Variants in CSMD3 observed in about 807,000 individuals in gnomAD.
The protein encoded by CSMD3 is CUB and sushi domain-containing protein 3.
CSMD3 carries 177 observed loss-of-function variants against 435.2 expected under a neutral mutation model. The observed-to-expected ratio is 0.41, with a 90% CI of 0.36 to 0.46. CSMD3 has a LOEUF of 0.46. CSMD3 is among the 20% of genes least tolerant of loss of function. The pLI is 0.34. For synonymous variants in CSMD3, 1,656 were observed against 1,520.5 expected, an observed-to-expected ratio of 1.09 and a Z score of -2.07; for missense variants, 4,265 against 4,504.6, an observed-to-expected ratio of 0.95 and a Z score of 1.52.
chr8:113,320,322 T>C (rs570392559), intron 1 of CSMD3, among the ~76,000 whole-genome samples: 3 of 152,204 alleles, frequency 2.0e-5, no homozygotes, highest in Non-Finnish European at 4.4e-5. Flanking sequence ...GGTAACTAAA[T>C]TTTATATGAC....
chr8:113,353,387 A>T (rs920980660), intron 1 of CSMD3, among the ~76,000 whole-genome samples: 1 of 152,164 alleles, frequency 6.6e-6, no homozygotes, highest in African/African-American at 2.4e-5. Context: ...TTTTTGTACT[A>T]AATATTCTAA....
intron 55 of CSMD3, among the ~76,000 whole-genome samples, 162 bp from the exon 56 acceptor site, chr8:112,291,857 T>C (rs1819796128): frequency 6.6e-6 from 1 of 152,036 alleles, no homozygotes; most frequent in African/African-American, 2.4e-5. Flanking sequence ...GAAAATGGAC[T>C]GACATCTATG....
chr8:112,978,887 G>A (rs1219888104), intron 6 of CSMD3, among the ~76,000 whole-genome samples: 2 of 151,530 alleles, frequency 1.3e-5, no homozygotes, highest in African/African-American at 4.8e-5. Context: ...TTCATCAGAA[G>A]AAATAATAAA....
intron 1 of CSMD3, among the ~76,000 whole-genome samples, chr8:113,414,651 C>CAAAAAAAAA (rs780988317): frequency 1.1e-4 from 9 of 85,054 alleles, no homozygotes; most frequent in African/African-American, 2.4e-4. Context: ...TGCCCAAATA[C>CAAAAAAAAA]AAAAAAAAAA....
intron 57 of CSMD3, among the ~76,000 whole-genome samples, chr8:112,288,692 G>T (rs184546178): frequency 6.6e-6 from 1 of 151,738 alleles, no homozygotes; most frequent in Admixed American, 6.6e-5. Flanking sequence ...GATCTAAAAC[G>T]TAAATGGTGT....
chr8:113,262,488 T>C (rs916170074), intron 3 of CSMD3, among the ~76,000 whole-genome samples: 12 of 152,076 alleles, frequency 7.9e-5, no homozygotes, highest in African/African-American at 2.9e-4. Context: ...GCAGCTAATA[T>C]AATAGTTGTT....
chr8:113,114,008 A>T (rs1588098688), intron 4 of CSMD3, among the ~76,000 whole-genome samples: 2 of 152,200 alleles, frequency 1.3e-5, no homozygotes, highest in Admixed American at 6.5e-5. Flanking sequence ...CTTCTACTAA[A>T]CAGTATATAG....
chr8:113,314,662 G>A lies in CSMD3; in HGVS notation c.310C>T (p.Gln104Ter). The change falls in exon 2 of 71, where the codon CAA becomes TAA. Residue 104 changes from glutamine (Q) to a stop codon, truncating the protein, a stop_gained. Transcript: ENST00000297405. LOFTEE classifies it high-confidence loss of function. ...AGAGCAAATGACTGAAAAACAATTT[G>A]TATTCTATTTCGTTCTTCTGCTATT... ...VIIAEERNRI[Q>*]IVFQSFALEE... 1 of 1,609,852 alleles carries A rather than the reference G, an allele frequency of 6.2e-7. No homozygotes were observed. Among genetic ancestry groups the A allele is most frequent in the Non-Finnish European group, 8.5e-7 (1 of 1,176,444 alleles).
chr8:112,877,180 T>G (rs1213755115), intron 10 of CSMD3, among the ~76,000 whole-genome samples: 2 of 152,102 alleles, frequency 1.3e-5, no homozygotes, highest in Non-Finnish European at 2.9e-5. Context: ...ATGGCAATAC[T>G]GCCCAAAGTA....
chr8:112,554,298 G>A (rs1466801491), intron 25 of CSMD3, among the ~76,000 whole-genome samples: 1 of 151,848 alleles, frequency 6.6e-6, no homozygotes, highest in African/African-American at 2.4e-5. Flanking sequence ...AGGGCTAAGG[G>A]AATATTACCT....
At chr8:113,068,384 A>G (rs932842190) in intron 5 of CSMD3, among the ~76,000 whole-genome samples, 7 of 152,174 alleles carry the variant, frequency 4.6e-5, no homozygotes, top group African/African-American at 1.4e-4. Context: ...AGACTCCTGC[A>G]CAAGAGAAAT....
At chr8:113,283,470 G>A (rs1328335158) in intron 2 of CSMD3, among the ~76,000 whole-genome samples, 1 of 151,682 alleles carries the variant, frequency 6.6e-6, no homozygotes, top group African/African-American at 2.4e-5. Context: ...GGCAACAAAC[G>A]TGAAAAAATA....
chr8:112,982,022 A>T (rs1157333391), intron 6 of CSMD3, among the ~76,000 whole-genome samples: 2 of 151,812 alleles, frequency 1.3e-5, no homozygotes, highest in African/African-American at 4.8e-5. Flanking sequence ...TTAAATGGAG[A>T]GTTTAAGAAT....
chr8:112,352,011 T>C (rs56138373), intron 39 of CSMD3, among the ~76,000 whole-genome samples: 5,741 of 152,180 alleles, frequency 0.038, 360 homozygotes, highest in African/African-American at 0.13. Flanking sequence ...AATGTATTGT[T>C]ATGGAAGTTT....
chr8:113,141,734 G>C (rs576014711), intron 4 of CSMD3, among the ~76,000 whole-genome samples: 4 of 151,058 alleles, frequency 2.6e-5, no homozygotes, highest in Non-Finnish European at 5.9e-5. Context: ...TTTGTACTTA[G>C]TGCTGAAAAT....
At chr8:112,581,852 C>A (rs1054488184) in intron 23 of CSMD3, among the ~76,000 whole-genome samples, 2 of 151,750 alleles carry the variant, frequency 1.3e-5, no homozygotes, top group Non-Finnish European at 2.9e-5. Context: ...GTGAGTTTAC[C>A]AGTTTATAGG....
At chr8:112,714,695 C>CA (rs1007237285) in intron 13 of CSMD3, among the ~76,000 whole-genome samples, 5 of 151,790 alleles carry the variant, frequency 3.3e-5, no homozygotes, top group Admixed American at 6.6e-5. Context: ...TCCGCAAATG[C>CA]AAAAAAAGCT....
In CSMD3 at chr8:112,748,168, G is replaced by A. The variant is rs182370814; in HGVS notation, c.1972+51994C>T. ...GATCATTATCTAAGAGTGAGAAAGA[G>A]GAGAAGAGATAGAAAATCTGAGGAG... On this transcript the variant is annotated intron_variant, in intron 13 of 70. Coordinates refer to ENST00000297405, the MANE Select transcript of CSMD3 (RefSeq NM_198123.2). Among the ~76,000 whole-genome samples, 124 of 152,130 alleles carry A rather than the reference G, an allele frequency of 8.2e-4. 1 individual carries two copies. Among genetic ancestry groups the A allele is most frequent in the African/African-American group, 2.9e-3 (120 of 41,528 alleles).
Position 113,163,881 on chromosome 8 carries a change from G to A in CSMD3, c.709+9841C>T, listed in dbSNP as rs199848858. ...CATTGTTTATATGTCAGTAAAAAGA[G>A]GTAATACAAACCTGACCTGAGAAGC... On this transcript the variant is annotated intron_variant, in intron 4 of 70. Coordinates refer to ENST00000297405, the MANE Select transcript of CSMD3 (RefSeq NM_198123.2). Among the ~76,000 whole-genome samples, 17 of 152,016 alleles carry A rather than the reference G, an allele frequency of 1.1e-4. No individual in the cohort carries two copies. The East Asian group carries it at 2.9e-3, about 26-fold the overall frequency.
Sources: gnomAD v4.1 joint callset for allele counts (sites outside exome capture counted in the v4.1 genomes callset) on GRCh38, gnomAD v4.1.1 for gene constraint, MANE v1.5 for transcripts, NCBI Gene and HGNC (gene_info 2026-07-23, HGNC 2026-07-21) for gene names.